Variants in AIM2 observed in about 807,000 individuals in gnomAD.
AIM2 encodes the protein interferon-inducible protein AIM2.
In AIM2, 30 loss-of-function variants were observed where a neutral mutation model predicts 27.7. The observed-to-expected ratio is 1.08, with a 90% CI of 0.81 to 1.47. The LOEUF (loss-of-function observed/expected upper bound fraction) is 1.47, where lower values mean the gene tolerates loss of function less well. Ranked by LOEUF, AIM2 falls within the 40% of genes most tolerant of loss-of-function variation. The pLI is 0.00. For synonymous variants in AIM2, 141 were observed against 145.3 expected (o/e 0.97, Z 0.21); for missense variants, 358 against 411.3 (o/e 0.87, Z 1.12).
At chr1:159,102,586 G>A (rs1352296362) in intron 1 of AIM2, among the ~76,000 whole-genome samples, 1 of 152,216 alleles carries the variant, frequency 6.6e-6, no homozygotes, top group Non-Finnish European at 1.5e-5. Flanking sequence ...ACCCTGCAAA[G>A]CCACAAGGGC....
intron 1 of AIM2, among the ~76,000 whole-genome samples, chr1:159,089,022 C>T (rs1466001264): frequency 6.6e-6 from 1 of 152,224 alleles, no homozygotes; most frequent in Non-Finnish European, 1.5e-5. Flanking sequence ...CTTAGTTCAT[C>T]ACCAAACCCA....
At chr1:159,116,287 G>C (rs572533412) in intron 1 of AIM2, among the ~76,000 whole-genome samples, 2 of 152,246 alleles carry the variant, frequency 1.3e-5, no homozygotes, top group East Asian at 3.9e-4. Context: ...ATTCCTCAGG[G>C]ATCTAGAACT....
intron 1 of AIM2, among the ~76,000 whole-genome samples, chr1:159,140,024 T>C (rs903338638): frequency 2.6e-5 from 4 of 152,142 alleles, no homozygotes; most frequent in Non-Finnish European, 4.4e-5. Flanking sequence ...GACATACCCC[T>C]TTCCTGAACT....
chr1:159,088,399 C>T (rs1656967034), intron 1 of AIM2, among the ~76,000 whole-genome samples: 1 of 152,106 alleles, frequency 6.6e-6, no homozygotes, highest in Admixed American at 6.5e-5. Flanking sequence ...TTCATAATGC[C>T]AAGGGCATGA....
the AIM2 span, among the ~76,000 whole-genome samples, chr1:159,056,717 C>CAAAAAAAAAAAAAA: frequency 2.3e-5 from 1 of 44,184 alleles, no homozygotes; most frequent in Non-Finnish European, 4.1e-5. Context: ...GCCCAACCGG[C>CAAAAAAAAAAAAAA]AAAAAAAAAA....
chr1:159,121,957 T>G (rs1354210722), intron 1 of AIM2, among the ~76,000 whole-genome samples: 1 of 152,142 alleles, frequency 6.6e-6, no homozygotes, highest in Non-Finnish European at 1.5e-5. Flanking sequence ...AATAAATTAA[T>G]AAAATAATCA....
At position 159,073,088 on chromosome 1, in the gene AIM2, C is replaced by T. The variant is rs190612116; in HGVS notation, c.262+150G>A. On this transcript the variant is annotated intron_variant, in intron 2 of 5. Transcript: ENST00000368130. Reference sequence around the variant, plus strand: ...ACAAACACTTCCTAGAAGCGATTCTCAGTAAAAGGGGGCAAAGAGACAGGT... The same window carrying T: ...ACAAACACTTCCTAGAAGCGATTCTTAGTAAAAGGGGGCAAAGAGACAGGT... 3.1e-5 allele frequency: 29 copies of T among 942,700 alleles called. No individual in the cohort carries two copies. The East Asian group carries it at 6.5e-4, about 21-fold the overall frequency. The allele number at this position is 942,700 out of a possible 1,614,324, so 58.4% of individuals were successfully genotyped here.
intron 1 of AIM2, among the ~76,000 whole-genome samples, chr1:159,115,766 G>T (rs1013991014): frequency 6.6e-6 from 1 of 152,116 alleles, no homozygotes; most frequent in African/African-American, 2.4e-5. Context: ...CAGGACACAG[G>T]CATGGGCAAG....
At chr1:159,127,921 C>G (rs1359350885) in intron 1 of AIM2, among the ~76,000 whole-genome samples, 3 of 152,192 alleles carry the variant, frequency 2.0e-5, no homozygotes, top group African/African-American at 7.2e-5. Context: ...ACTGAAAGTG[C>G]CTTCTTTTTC....
At chr1:159,071,817 A>G (rs1238606418) in intron 2 of AIM2, among the ~76,000 whole-genome samples, 3 of 152,170 alleles carry the variant, frequency 2.0e-5, no homozygotes, top group Non-Finnish European at 4.4e-5. Context: ...GCCCAAAAGC[A>G]TACTTTGAAT....
At chr1:159,108,262 C>A (rs1368871115) in intron 1 of AIM2, among the ~76,000 whole-genome samples, 1 of 151,978 alleles carries the variant, frequency 6.6e-6, no homozygotes, top group African/African-American at 2.4e-5. Flanking sequence ...TTAACATATG[C>A]CAGTCAAGAA....
At chr1:159,112,906 CTGA>C (rs1557908963) in intron 1 of AIM2, among the ~76,000 whole-genome samples, 1 of 150,472 alleles carries the variant, frequency 6.6e-6, no homozygotes, top group Non-Finnish European at 1.5e-5. Flanking sequence ...GTTTTATACT[CTGA>C]TGTTTCAAAC....
upstream of AIM2, among the ~76,000 whole-genome samples, chr1:159,141,422 G>C (rs1648107419): frequency 6.6e-6 from 1 of 152,120 alleles, no homozygotes; most frequent in Non-Finnish European, 1.5e-5. Flanking sequence ...GCCTCTACTA[G>C]ACAATGAAAA....
At chr1:159,056,737 A>AC in the AIM2 span, among the ~76,000 whole-genome samples, 4 of 144,670 alleles carry the variant, frequency 2.8e-5, no homozygotes, top group East Asian at 3.9e-4. Context: ...AAAAAAAAAA[A>AC]AAAAAAAAAA....
At chr1:159,138,239 T>C (rs1197638038) in intron 1 of AIM2, among the ~76,000 whole-genome samples, 1 of 152,140 alleles carries the variant, frequency 6.6e-6, no homozygotes, top group African/African-American at 2.4e-5. Context: ...ATCCCAACTC[T>C]TCCCATCACT....
chr1:159,104,618 A>G (rs974539972), intron 1 of AIM2, among the ~76,000 whole-genome samples: 1 of 152,252 alleles, frequency 6.6e-6, no homozygotes, highest in East Asian at 1.9e-4. Context: ...AGTGATTTTT[A>G]TAGTGATTAC....
At chr1:159,068,018 G>C (rs756521592) in intron 3 of AIM2, among the ~76,000 whole-genome samples, 7 of 151,860 alleles carry the variant, frequency 4.6e-5, no homozygotes, top group Non-Finnish European at 1.0e-4. Context: ...TTGCTGTCAA[G>C]AACCAAGCAG....
intron 1 of AIM2, among the ~76,000 whole-genome samples, chr1:159,085,819 C>T (rs911480558): frequency 4.6e-5 from 7 of 151,984 alleles, no homozygotes; most frequent in African/African-American, 1.7e-4. Context: ...TGGTGGAGTG[C>T]TGGAAGGCAA....
intron 1 of AIM2, among the ~76,000 whole-genome samples, chr1:159,102,256 G>A (rs940989039): frequency 2.6e-5 from 4 of 152,228 alleles, no homozygotes; most frequent in East Asian, 3.8e-4. Context: ...CTGCAGGTAC[G>A]CAGAAGACAA....
Sources: gnomAD v4.1 joint callset for allele counts (sites outside exome capture counted in the v4.1 genomes callset) on GRCh38, gnomAD v4.1.1 for gene constraint, MANE v1.5 for transcripts, NCBI Gene and HGNC (gene_info 2026-07-23, HGNC 2026-07-21) for gene names.